The following TCF7 variants were observed in gnomAD, a reference collection of about 807,000 sequenced individuals.
TCF7 encodes T-cell-factor-7.
In TCF7, 19 loss-of-function variants were observed where a neutral mutation model predicts 46.8. The ratio of observed to expected loss-of-function variants is 0.41; its 90% CI spans 0.28 to 0.60. The LOEUF is 0.60. Ranked by LOEUF, TCF7 falls within the 20% of genes least tolerant of loss-of-function variation. TCF7 has a pLI of 0.35. For missense variants in TCF7, 547 were observed against 504.6 expected (o/e 1.08, Z -0.81); for synonymous variants, 245 against 213.4 (o/e 1.15, Z -1.29).
At chr5:134,128,784 C>A (rs1420460203) in intron 3 of TCF7, among the ~76,000 whole-genome samples, 1 of 152,120 alleles carries the variant, frequency 6.6e-6, no homozygotes, top group Non-Finnish European at 1.5e-5. Context: ...CCCCAGCCTC[C>A]GGTGGCTGTC....
At chr5:134,142,145 A>T (rs746683243) in intron 5 of TCF7, 40 bp from the exon 6 acceptor site, 1 of 1,613,434 alleles carries the variant, frequency 6.2e-7, no homozygotes, top group Non-Finnish European at 8.5e-7. Flanking sequence ...GGTCTGGCCC[A>T]TAATTCTTGG....
intron 8 of TCF7, 143 bp downstream of exon 8, chr5:134,143,243 A>G (rs947602079): frequency 8.1e-6 from 7 of 865,930 alleles, no homozygotes; most frequent in Middle Eastern, 2.4e-4. Context: ...AAGGCCTCCC[A>G]TGGCTGCCTC....
Position 134,115,137 on chromosome 5 carries a change from G to A in TCF7, c.231G>A (p.Gly77=). The change falls in exon 1 of 10, where the codon GGG becomes GGA. Residue 77 remains glycine, a synonymous_variant. Coordinates refer to ENST00000342854, the MANE Select transcript of TCF7 (RefSeq NM_003202.5). ...GIPGVPGAGA[G]ARGEAEALGR... The stretch of plus-strand genomic sequence containing the variant: ...CGGGGGTCCCGGGGGCCGGCGCCGG[G>A]GCCCGCGGCGAGGCCGAGGTGAGCC... The A allele has an allele frequency of 4.0e-6, 4 of 1,012,476 alleles. No homozygotes were observed. Among genetic ancestry groups the A allele is most frequent in the Non-Finnish European group, 4.7e-6 (4 of 848,998 alleles). 62.7% of individuals were successfully genotyped at this position (1,012,476 alleles called of 1,614,324 possible).
upstream of TCF7, among the ~76,000 whole-genome samples, chr5:134,110,368 G>A (rs1241236771): frequency 6.6e-6 from 1 of 152,176 alleles, no homozygotes; most frequent in Non-Finnish European, 1.5e-5. Context: ...TGACCCCAAA[G>A]CCCCCTTGCT....
At chr5:134,136,342 C>T (rs1024699501) in intron 3 of TCF7, among the ~76,000 whole-genome samples, 64 of 152,122 alleles carry the variant, frequency 4.2e-4, no homozygotes, top group Non-Finnish European at 1.0e-4. Context: ...TGCTAGCCAC[C>T]TATAGGGACA....
intron 3 of TCF7, among the ~76,000 whole-genome samples, chr5:134,126,766 A>G (rs917516495): frequency 1.2e-4 from 18 of 152,078 alleles, no homozygotes; most frequent in Non-Finnish European, 2.5e-4. Flanking sequence ...GTGCGGTGGC[A>G]CACGCCTGTA....
chr5:134,144,929 A>C lies in TCF7; in HGVS notation c.1075+1289A>C. 4 of 1,464,282 alleles carry C rather than the reference A, an allele frequency of 2.7e-6. No individual in the cohort carries two copies. The Admixed American group carries it at 6.8e-5, about 25-fold the overall frequency. The allele number at this position is 1,464,282 out of a possible 1,614,324, so 90.7% of individuals were successfully genotyped here. ...TTAAGCTGCTTCCCTGACTCTGCACATGTTCCACTGGGCCTGCAGCCCACT... is the reference window on the plus strand; with the variant it reads ...TTAAGCTGCTTCCCTGACTCTGCACCTGTTCCACTGGGCCTGCAGCCCACT... On this transcript the variant is annotated intron_variant, in intron 9 of 9. Transcript: ENST00000342854.
intron 5 of TCF7, chr5:134,139,258 T>G: frequency 1.6e-6 from 1 of 638,444 alleles, no homozygotes; most frequent in Non-Finnish European, 2.6e-6. Context: ...ATACTCCCTT[T>G]GGAGAGGCAG....
At chr5:134,113,115 G>A (rs74536778), upstream of TCF7, among the ~76,000 whole-genome samples, 162 of 152,276 alleles carry the variant, frequency 1.1e-3, 1 homozygote, top group East Asian at 0.028. Context: ...GGGCAGGGCC[G>A]AGCCCCCCCT....
intron 9 of TCF7, chr5:134,144,551 C>T (rs1367920094): frequency 3.9e-6 from 2 of 515,230 alleles, no homozygotes; most frequent in Non-Finnish European, 7.0e-6. Flanking sequence ...GGACTCCCTC[C>T]CTCCCATTCT....
At chr5:134,122,941 C>T (rs955962178) in intron 3 of TCF7, among the ~76,000 whole-genome samples, 7 of 152,148 alleles carry the variant, frequency 4.6e-5, no homozygotes, top group African/African-American at 2.4e-5. Context: ...TGAGTCTGCA[C>T]GATGCACCCT....
chr5:134,129,601 G>C (rs1757825471), intron 3 of TCF7, among the ~76,000 whole-genome samples: 1 of 152,246 alleles, frequency 6.6e-6, no homozygotes, highest in African/African-American at 2.4e-5. Flanking sequence ...ATCCTGTCCT[G>C]AGGGGCGTTC....
chr5:134,118,023 G>A (rs373706308), intron 3 of TCF7, among the ~76,000 whole-genome samples: 55 of 152,334 alleles, frequency 3.6e-4, no homozygotes, highest in African/African-American at 1.2e-3. Context: ...CCTCTTTTAA[G>A]CAAACCTGCC....
chr5:134,123,345 G>A (rs983593431), intron 3 of TCF7, among the ~76,000 whole-genome samples: 8 of 152,218 alleles, frequency 5.3e-5, no homozygotes, highest in Non-Finnish European at 1.2e-4. Context: ...TCTATACTTC[G>A]CCTGGCTCAG....
At chr5:134,138,647 G>A (rs10068117) in intron 4 of TCF7, 9,044 of 349,512 alleles carry the variant, frequency 0.026, 595 homozygotes, top group African/African-American at 0.15. Flanking sequence ...TGCCCAGAAA[G>A]CTAGGCTGGA....
chr5:134,138,244 G>A (rs1759206012), intron 4 of TCF7, 80 bp downstream of exon 4: 2 of 1,339,898 alleles, frequency 1.5e-6, no homozygotes, highest in Non-Finnish European at 2.1e-6. Context: ...CCAGGTAGCT[G>A]GGTCCATTTT....
Position 134,114,728 on chromosome 5 carries a change from C to A in TCF7, c.-179C>A. On this transcript the variant is annotated 5_prime_UTR_variant, in exon 1 of 10. Coordinates refer to ENST00000342854, the MANE Select transcript of TCF7 (RefSeq NM_003202.5). ...TGTTCCGACCCGCCAGCTCGCGGAG[C>A]CGCTCTGCCCCGCGCCCTAGCCCGC... 1 of 499,974 alleles carries A rather than the reference C, an allele frequency of 2.0e-6. No individual in the cohort carries two copies. The highest frequency in any genetic ancestry group is 2.6e-6 in the Non-Finnish European group (1 of 387,934). The allele number at this position is 499,974 out of a possible 1,614,324, so 31.0% of individuals were successfully genotyped here.
upstream of TCF7, among the ~76,000 whole-genome samples, chr5:134,110,866 A>G (rs1561638140): frequency 6.6e-6 from 1 of 152,276 alleles, no homozygotes; most frequent in Non-Finnish European, 1.5e-5. Flanking sequence ...AAAGGAAAGG[A>G]AATGTATATT....
chr5:134,132,749 T>TG (rs888441927), intron 3 of TCF7, among the ~76,000 whole-genome samples: 2 of 78,450 alleles, frequency 2.5e-5, no homozygotes, highest in East Asian at 3.9e-4. Context: ...GGGTGCGGGT[T>TG]GGGGGGGTGG....
Sources: gnomAD v4.1 joint callset for allele counts (sites outside exome capture counted in the v4.1 genomes callset) on GRCh38, gnomAD v4.1.1 for gene constraint, MANE v1.5 for transcripts, NCBI Gene and HGNC (gene_info 2026-07-23, HGNC 2026-07-21) for gene names.